Variants in RGS7 observed in about 807,000 individuals in gnomAD.
RGS7 encodes regulator of G protein signaling 7.
A neutral mutation model predicts 81.1 loss-of-function variants in RGS7; 27 were observed. The ratio of observed to expected loss-of-function variants is 0.33; its 90% CI spans 0.25 to 0.46. RGS7 has a LOEUF of 0.46. RGS7 is among the 20% of genes least tolerant of loss of function. The pLI, the probability that RGS7 is intolerant of heterozygous loss-of-function variation, is 1.00. For synonymous variants in RGS7, 208 were observed against 207.7 expected (o/e 1.00, Z -0.01); for missense variants, 396 against 607.4 (o/e 0.65, Z 3.66).
In RGS7 at chr1:240,970,112, C is replaced by T. The variant is rs556249730; in HGVS notation, c.226+12967G>A. On this transcript the variant is annotated intron_variant, in intron 4 of 18. Coordinates refer to ENST00000440928, the MANE Select transcript of RGS7 (RefSeq NM_001364886.1). The stretch of plus-strand genomic sequence containing the variant: ...AAGAACTAAATGAAAGGACAACATC[C>T]AGCATGGTACCTGGGGAGACCCAAT... Among the ~76,000 whole-genome samples the T allele has an allele frequency of 6.6e-5, 10 of 152,290 alleles. No homozygotes were observed. The East Asian group carries it at 1.7e-3, about 26-fold the overall frequency.
chr1:240,785,659 G>A (rs1353810218), intron 18 of RGS7, among the ~76,000 whole-genome samples: 1 of 152,140 alleles, frequency 6.6e-6, no homozygotes, highest in Non-Finnish European at 1.5e-5. Context: ...GGGGAGGAGA[G>A]ACATGGTGGA....
At chr1:240,887,945 G>A (rs1036065619) in intron 6 of RGS7, among the ~76,000 whole-genome samples, 6 of 152,068 alleles carry the variant, frequency 3.9e-5, no homozygotes, top group African/African-American at 1.4e-4. Flanking sequence ...CCATGTTGCT[G>A]GGCCACTTGG....
intron 3 of RGS7, among the ~76,000 whole-genome samples, chr1:241,010,330 G>T (rs2058896507): frequency 6.6e-6 from 1 of 152,198 alleles, no homozygotes; most frequent in African/African-American, 2.4e-5. Context: ...TAGAGCCAAA[G>T]AATTAGAATT....
intron 2 of RGS7, among the ~76,000 whole-genome samples, chr1:241,181,953 C>T (rs537436115): frequency 4.6e-5 from 7 of 152,136 alleles, no homozygotes; most frequent in South Asian, 2.1e-4. Context: ...CTCCTGCCCC[C>T]CAAAGTGCTG....
chr1:240,994,111 T>C (rs946493819), intron 3 of RGS7, among the ~76,000 whole-genome samples: 2 of 152,234 alleles, frequency 1.3e-5, no homozygotes, highest in African/African-American at 2.4e-5. Flanking sequence ...AATATAAACA[T>C]AAAATAAATT....
chr1:241,061,837 A>T (rs1039986493), intron 3 of RGS7, among the ~76,000 whole-genome samples: 2 of 152,132 alleles, frequency 1.3e-5, no homozygotes, highest in African/African-American at 4.8e-5. Context: ...TTAGCTCCCT[A>T]TTATCTATTA....
intron 6 of RGS7, among the ~76,000 whole-genome samples, chr1:240,911,761 C>A (rs1462365656): frequency 6.6e-6 from 1 of 152,112 alleles, no homozygotes. Flanking sequence ...GGGTTCCAAT[C>A]CCAGCTCAAT....
chr1:241,150,754 A>G (rs2068688043), intron 2 of RGS7, among the ~76,000 whole-genome samples: 1 of 152,220 alleles, frequency 6.6e-6, no homozygotes, highest in Non-Finnish European at 1.5e-5. Flanking sequence ...GGAGTCACAC[A>G]ATTATGGAGG....
intron 6 of RGS7, among the ~76,000 whole-genome samples, chr1:240,872,089 T>C (rs1664593480): frequency 6.6e-6 from 1 of 152,172 alleles, no homozygotes; most frequent in African/African-American, 2.4e-5. Context: ...ACAGGTGTCC[T>C]ATGATGTGAT....
intron 6 of RGS7, among the ~76,000 whole-genome samples, chr1:240,915,831 TA>T (rs1216743869): frequency 6.6e-6 from 1 of 150,762 alleles, no homozygotes; most frequent in Non-Finnish European, 1.5e-5. Flanking sequence ...ATTCAAGAAA[TA>T]AAAAACATAA....
chr1:241,107,651 T>C (rs1191376007), intron 2 of RGS7, among the ~76,000 whole-genome samples: 1 of 152,216 alleles, frequency 6.6e-6, no homozygotes, highest in Non-Finnish European at 1.5e-5. Flanking sequence ...CCCCATTCTT[T>C]TGGAGTCTGT....
intron 3 of RGS7, among the ~76,000 whole-genome samples, chr1:241,043,346 G>A (rs1344107906): frequency 6.6e-6 from 1 of 151,758 alleles, no homozygotes; most frequent in Non-Finnish European, 1.5e-5. Flanking sequence ...TGCTGCTAAG[G>A]AAAAAGTCTG....
intron 3 of RGS7, among the ~76,000 whole-genome samples, chr1:241,088,347 C>T (rs1450577168): frequency 1.3e-5 from 2 of 152,022 alleles, no homozygotes; most frequent in African/African-American, 4.8e-5. Context: ...CACCAAAAAA[C>T]ATACCATTTT....
Position 240,813,614 on chromosome 1 carries a change from C to T in RGS7, c.956+4G>A. 6.3e-7 allele frequency: 1 copy of T among 1,579,880 alleles called. No homozygotes were observed. The highest frequency in any genetic ancestry group is 8.7e-7 in the Non-Finnish European group (1 of 1,148,740). On this transcript the variant is annotated splice_donor_region_variant and intron_variant, in intron 13 of 18. Coordinates refer to ENST00000440928, the MANE Select transcript of RGS7 (RefSeq NM_001364886.1). ...ATGGGCGAGAAAGATAAAATGCCAC[C>T]TACCTTGCCTCAAGTTCCCAGAAAG...
At chr1:240,919,398 C>A (rs545483650) in intron 6 of RGS7, among the ~76,000 whole-genome samples, 4 of 152,028 alleles carry the variant, frequency 2.6e-5, no homozygotes, top group African/African-American at 9.7e-5. Flanking sequence ...GATATTTATT[C>A]CATATATGCA....
At chr1:240,932,925 C>T (rs563770474) in intron 5 of RGS7, among the ~76,000 whole-genome samples, 2 of 137,854 alleles carry the variant, frequency 1.5e-5, no homozygotes, top group Non-Finnish European at 3.1e-5. Context: ...GCTCTGTCGC[C>T]CAGGCTGGAC....
At chr1:241,161,941 TCCTGA>T (rs768470063) in intron 2 of RGS7, among the ~76,000 whole-genome samples, 1 of 152,080 alleles carries the variant, frequency 6.6e-6, no homozygotes, top group Non-Finnish European at 1.5e-5. Context: ...GGTCTCGAAC[TCCTGA>T]CCTCAGGTGA....
At chr1:241,006,898 G>T (rs2148650281) in intron 3 of RGS7, among the ~76,000 whole-genome samples, 1 of 152,142 alleles carries the variant, frequency 6.6e-6, no homozygotes, top group East Asian at 1.9e-4. Flanking sequence ...CATAGGAAAT[G>T]CACTTTCTCT....
At chr1:241,083,498 C>T (rs972506430) in intron 3 of RGS7, among the ~76,000 whole-genome samples, 1 of 152,076 alleles carries the variant, frequency 6.6e-6, no homozygotes, top group African/African-American at 2.4e-5. Context: ...TTCCGCAGCT[C>T]GATTGGCTAT....
Sources: gnomAD v4.1 joint callset for allele counts (sites outside exome capture counted in the v4.1 genomes callset) on GRCh38, gnomAD v4.1.1 for gene constraint, MANE v1.5 for transcripts, NCBI Gene and HGNC (gene_info 2026-07-23, HGNC 2026-07-21) for gene names.